Variants in EYA2 observed in about 807,000 individuals in gnomAD.
EYA2 encodes EYA transcriptional coactivator and phosphatase 2.
A neutral mutation model predicts 69.2 loss-of-function variants in EYA2; 31 were observed. That is an observed-to-expected ratio of 0.45 (90% CI 0.34 to 0.60). EYA2 has a LOEUF of 0.60. EYA2 is among the 20% of genes least tolerant of loss of function. The pLI is 0.02. For missense variants in EYA2, 622 were observed against 701.2 expected (o/e 0.89, Z 1.28); for synonymous variants, 257 against 279.4 (o/e 0.92, Z 0.80).
At chr20:46,922,224 GAACAACCC>G (rs1985209731) in intron 1 of EYA2, among the ~76,000 whole-genome samples, 1 of 152,154 alleles carries the variant, frequency 6.6e-6, no homozygotes, top group Non-Finnish European at 1.5e-5. Context: ...TTGATTTAAT[GAACAACCC>G]AAGCAAGGTC....
chr20:47,109,908 G>A (rs567998725), intron 9 of EYA2, among the ~76,000 whole-genome samples: 7 of 152,206 alleles, frequency 4.6e-5, no homozygotes, highest in Non-Finnish European at 8.8e-5. Context: ...GGGCCCTCCG[G>A]GTCCATAGTG....
chr20:47,097,597 G>C (rs568120053), intron 9 of EYA2, among the ~76,000 whole-genome samples: 1 of 152,314 alleles, frequency 6.6e-6, no homozygotes, highest in East Asian at 1.9e-4. Context: ...AGACAAGGGG[G>C]AGGCATTGTC....
chr20:46,991,986 ACG>A lies in EYA2; in HGVS notation c.109+1869_109+1870del, dbSNP rs1981699210. On this transcript the variant is annotated intron_variant, in intron 2 of 15. Coordinates refer to ENST00000327619, the MANE Select transcript of EYA2 (RefSeq NM_005244.5). ...TCCGTCTCAAAAAAAAAAAAAAAAAACGCTGAAAGCTTTAGCAACCCTGGGCC... is the reference window on the plus strand; with the variant it reads ...TCCGTCTCAAAAAAAAAAAAAAAAAACTGAAAGCTTTAGCAACCCTGGGCC... 1.5e-5 allele frequency among the ~76,000 whole-genome samples: 2 copies of A among 134,254 alleles called. 1 individual carries two copies. The highest frequency in any genetic ancestry group is 3.2e-5 in the Non-Finnish European group (2 of 63,082). 88.1% of individuals were successfully genotyped at this position (134,254 alleles called of 152,430 possible).
chr20:47,072,488 A>G (rs1425484105), intron 6 of EYA2, among the ~76,000 whole-genome samples: 2 of 149,734 alleles, frequency 1.3e-5, no homozygotes, highest in East Asian at 4.0e-4. Context: ...GAGATCTACA[A>G]GTATGTTCCA....
Position 47,188,337 on chromosome 20 carries a change from G to A in EYA2, c.*204G>A, listed in dbSNP as rs1005875676. Reference sequence around the variant, plus strand: ...AAGGAAAGTACCCAACATTGGCTTCGGAGTATTTGACTTTGGGGAAAAGGG... The same window carrying A: ...AAGGAAAGTACCCAACATTGGCTTCAGAGTATTTGACTTTGGGGAAAAGGG... On this transcript the variant is annotated 3_prime_UTR_variant, in exon 16 of 16. Coordinates refer to ENST00000327619, the MANE Select transcript of EYA2 (RefSeq NM_005244.5). 1.2e-5 allele frequency: 7 copies of A among 607,884 alleles called. No homozygotes were observed. The highest frequency in any genetic ancestry group is 7.7e-5 in the South Asian group (4 of 51,974). 37.7% of individuals were successfully genotyped at this position (607,884 alleles called of 1,614,324 possible).
intron 10 of EYA2, among the ~76,000 whole-genome samples, chr20:47,154,819 TTG>T (rs11472542): frequency 0.068 from 9,527 of 140,808 alleles, 326 homozygotes; most frequent in Non-Finnish European, 0.074. Context: ...TTATTTTGTT[TTG>T]TGTGTGTGTG....
intron 8 of EYA2, among the ~76,000 whole-genome samples, chr20:47,092,517 C>T (rs575179590): frequency 1.3e-5 from 2 of 152,098 alleles, no homozygotes; most frequent in Admixed American, 1.3e-4. Context: ...TGCAGAGCTT[C>T]GAAAACACAG....
At chr20:47,126,094 C>T (rs2033183991) in intron 9 of EYA2, among the ~76,000 whole-genome samples, 1 of 152,202 alleles carries the variant, frequency 6.6e-6, no homozygotes, top group South Asian at 2.1e-4. Context: ...CAACAGTCTG[C>T]AAGCCCAGAC....
intron 7 of EYA2, among the ~76,000 whole-genome samples, chr20:47,088,228 C>T (rs1455503022): frequency 6.6e-6 from 1 of 151,990 alleles, no homozygotes; most frequent in Non-Finnish European, 1.5e-5. Context: ...AGCGAGACTC[C>T]GTCTCAAAAA....
chr20:47,048,346 CTG>C (rs2030154389), intron 5 of EYA2, among the ~76,000 whole-genome samples: 1 of 152,182 alleles, frequency 6.6e-6, no homozygotes, highest in Non-Finnish European at 1.5e-5. Context: ...ATATGAGAAA[CTG>C]GGCCTGATTT....
chr20:46,913,221 A>T (rs998447065), intron 1 of EYA2, among the ~76,000 whole-genome samples: 3 of 152,196 alleles, frequency 2.0e-5, no homozygotes, highest in Non-Finnish European at 4.4e-5. Context: ...GCTGCAGCAC[A>T]TCACTGGCAG....
intron 1 of EYA2, among the ~76,000 whole-genome samples, chr20:46,931,015 A>G (rs182815845): frequency 6.6e-6 from 1 of 152,292 alleles, no homozygotes; most frequent in Non-Finnish European, 1.5e-5. Flanking sequence ...GATAACCGAA[A>G]ACGTCTCCAC....
rs746820594 is a variant in EYA2 at position 47,074,348 on chromosome 20, A to G, written c.661+13A>G. ...GAGTCACTTGCTGGTAGGTGCAGTC[A>G]CTGGTGGGGCCATTCATGGCTGTGG... On this transcript the variant is annotated intron_variant, in intron 7 of 15. Transcript: ENST00000327619. 6.2e-7 allele frequency: 1 copy of G among 1,613,006 alleles called. No homozygotes were observed. Among genetic ancestry groups the G allele is most frequent in the Non-Finnish European group, 8.5e-7 (1 of 1,179,206 alleles).
At chr20:47,099,755 A>C (rs1431397640) in intron 9 of EYA2, among the ~76,000 whole-genome samples, 1 of 152,174 alleles carries the variant, frequency 6.6e-6, no homozygotes, top group African/African-American at 2.4e-5. Context: ...GACTTTCCTC[A>C]GTACTCCTCT....
chr20:46,983,618 A>G (rs910345175), intron 1 of EYA2, among the ~76,000 whole-genome samples: 3 of 152,166 alleles, frequency 2.0e-5, no homozygotes, highest in Non-Finnish European at 2.9e-5. Flanking sequence ...CACCGCACCC[A>G]GCTTGGATAT....
At chr20:46,897,020 A>T (rs545663701) in intron 1 of EYA2, among the ~76,000 whole-genome samples, 197 of 34,608 alleles carry the variant, frequency 5.7e-3, no homozygotes, top group African/African-American at 0.017. Context: ...GATTTTTTTA[A>T]AAAGTTTTCA....
intron 5 of EYA2, among the ~76,000 whole-genome samples, chr20:47,071,495 C>T (rs1389849241): frequency 6.6e-6 from 1 of 152,022 alleles, no homozygotes; most frequent in South Asian, 2.1e-4. Context: ...AAGTGAAACA[C>T]TTAAATGACC....
intron 10 of EYA2, among the ~76,000 whole-genome samples, chr20:47,149,615 A>G (rs2033778626): frequency 6.6e-6 from 1 of 150,714 alleles, no homozygotes; most frequent in Non-Finnish European, 1.5e-5. Flanking sequence ...AGGCTGAGAC[A>G]GTGGATCATT....
At chr20:46,985,154 T>A (rs988848219) in intron 1 of EYA2, among the ~76,000 whole-genome samples, 2 of 152,240 alleles carry the variant, frequency 1.3e-5, no homozygotes, top group African/African-American at 4.8e-5. Context: ...TGGGAACTTT[T>A]AAAAATCTTG....
Sources: gnomAD v4.1 joint callset for allele counts (sites outside exome capture counted in the v4.1 genomes callset) on GRCh38, gnomAD v4.1.1 for gene constraint, MANE v1.5 for transcripts, NCBI Gene and HGNC (gene_info 2026-07-23, HGNC 2026-07-21) for gene names.